ATP8A2: variants seen among roughly 807,000 people sequenced by gnomAD.
ATP8A2 encodes the protein phospholipid-transporting ATPase IB.
ATP8A2 carries 100 observed loss-of-function variants against 165.6 expected under a neutral mutation model. That is an observed-to-expected ratio of 0.60 (90% CI 0.51 to 0.71). The LOEUF (loss-of-function observed/expected upper bound fraction) is 0.71, where lower values mean the gene tolerates loss of function less well. Among genes scored for constraint, ATP8A2 ranks in the 30% least tolerant of loss-of-function variants. The pLI is 0.00. For synonymous variants in ATP8A2, 543 were observed against 548.8 expected, an observed-to-expected ratio of 0.99 and a Z score of 0.15; for missense variants, 1,227 against 1,479.5, an observed-to-expected ratio of 0.83 and a Z score of 2.80.
chr13:25,869,220 T>C (rs1277675468), intron 33 of ATP8A2, among the ~76,000 whole-genome samples: 1 of 152,140 alleles, frequency 6.6e-6, no homozygotes, highest in East Asian at 1.9e-4. Flanking sequence ...CAGACAACAG[T>C]TCTGTCAGAA....
chr13:25,714,523 T>C (rs1314742245), intron 25 of ATP8A2, among the ~76,000 whole-genome samples: 1 of 152,250 alleles, frequency 6.6e-6, no homozygotes, highest in Non-Finnish European at 1.5e-5. Context: ...CCCAACAGAA[T>C]GTTTGTTTCA....
intron 1 of ATP8A2, among the ~76,000 whole-genome samples, chr13:25,393,757 A>C (rs1218595429): frequency 3.9e-5 from 6 of 152,160 alleles, no homozygotes; most frequent in Non-Finnish European, 7.3e-5. Flanking sequence ...AACTTACAGC[A>C]TCTTAGGAAT....
intron 30 of ATP8A2, among the ~76,000 whole-genome samples, chr13:25,839,924 T>C (rs1951715492): frequency 6.6e-6 from 1 of 152,212 alleles, no homozygotes. Context: ...AGCCCTGTAC[T>C]GTAATGAAAT....
chr13:25,739,489 A>G (rs1010271654), intron 25 of ATP8A2, among the ~76,000 whole-genome samples: 4 of 152,328 alleles, frequency 2.6e-5, no homozygotes, highest in African/African-American at 9.6e-5. Context: ...TATAACGTAG[A>G]GGGAGGTTTT....
At chr13:25,540,179 CTCCTACTAT>C in intron 7 of ATP8A2, 131 bp from the exon 8 acceptor site, 1 of 654,148 alleles carries the variant, frequency 1.5e-6, no homozygotes, top group African/African-American at 1.8e-5. Context: ...TCATCCATTA[CTCCTACTAT>C]CGTGGTTATT....
intron 29 of ATP8A2, 43 bp from the exon 30 acceptor site, chr13:25,839,503 C>T (rs371608421): frequency 1.4e-5 from 20 of 1,429,502 alleles, no homozygotes; most frequent in South Asian, 1.1e-4. Context: ...AGAGGTCAAG[C>T]GTTTTGGGCA....
rs370921173 is a variant in ATP8A2 at position 25,924,649 on chromosome 13, G to GGA, written c.3184-36926_3184-36925insGA. On this transcript the variant is annotated intron_variant, in intron 33 of 36. Transcript: ENST00000381655. ...AGGGCTTCAACATTTGATTGGGGGG[G>GGA]AATACTTAATGTATAATGATATTTT... Among the ~76,000 whole-genome samples the GGA allele has an allele frequency of 3.3e-5, 5 of 151,514 alleles. No homozygotes were observed. In the East Asian group the frequency reaches 9.7e-4, roughly 29 times the overall value.
chr13:25,962,725 A>G (rs1049350565), intron 34 of ATP8A2, among the ~76,000 whole-genome samples: 1 of 152,194 alleles, frequency 6.6e-6, no homozygotes. Context: ...CAAACCTTCC[A>G]GGGAAAGACA....
At chr13:25,687,113 C>T (rs1464031372) in intron 24 of ATP8A2, among the ~76,000 whole-genome samples, 2 of 152,162 alleles carry the variant, frequency 1.3e-5, no homozygotes, top group African/African-American at 4.8e-5. Context: ...GAGGAGAGCA[C>T]ATGGCCCACA....
intron 1 of ATP8A2, among the ~76,000 whole-genome samples, chr13:25,384,511 C>G (rs1385530849): frequency 6.6e-6 from 1 of 152,122 alleles, no homozygotes; most frequent in African/African-American, 2.4e-5. Flanking sequence ...CTCTTTGTGC[C>G]CCATTTTTGA....
At chr13:25,374,658 G>T (rs1392348421) in intron 1 of ATP8A2, among the ~76,000 whole-genome samples, 2 of 152,152 alleles carry the variant, frequency 1.3e-5, no homozygotes, top group Admixed American at 1.3e-4. Flanking sequence ...GGTTGTGAGG[G>T]ATCTTGCTGA....
At chr13:25,930,183 C>T (rs1329937073) in intron 33 of ATP8A2, among the ~76,000 whole-genome samples, 1 of 152,134 alleles carries the variant, frequency 6.6e-6, no homozygotes, top group African/African-American at 2.4e-5. Context: ...GACACTCTCC[C>T]CTCACTTCTG....
intron 25 of ATP8A2, among the ~76,000 whole-genome samples, chr13:25,736,988 C>T (rs188169833): frequency 6.6e-6 from 1 of 152,252 alleles, no homozygotes; most frequent in Admixed American, 6.5e-5. Flanking sequence ...TCAACTGTCA[C>T]AGACATAACC....
At chr13:25,816,436 C>T (rs184272120) in intron 27 of ATP8A2, among the ~76,000 whole-genome samples, 12 of 152,306 alleles carry the variant, frequency 7.9e-5, no homozygotes, top group African/African-American at 1.2e-4. Context: ...CCCTTCTCCC[C>T]GCACCCAGTT....
At chr13:25,695,701 A>G (rs2042820238) in intron 24 of ATP8A2, among the ~76,000 whole-genome samples, 1 of 152,202 alleles carries the variant, frequency 6.6e-6, no homozygotes, top group Non-Finnish European at 1.5e-5. Context: ...AAGTTTGATC[A>G]TGAGATTGCA....
At chr13:25,538,727 G>T (rs1404387123) in intron 7 of ATP8A2, among the ~76,000 whole-genome samples, 7 of 152,136 alleles carry the variant, frequency 4.6e-5, no homozygotes, top group African/African-American at 1.7e-4. Flanking sequence ...ATTGTGTGAC[G>T]TTAGGACTAT....
chr13:25,826,740 A>G (rs1951326650), intron 27 of ATP8A2, among the ~76,000 whole-genome samples: 1 of 152,212 alleles, frequency 6.6e-6, no homozygotes. Flanking sequence ...TCAGACTCTC[A>G]TATCTCATAT....
chr13:25,458,459 C>A (rs578029507), intron 1 of ATP8A2, among the ~76,000 whole-genome samples: 1 of 152,322 alleles, frequency 6.6e-6, no homozygotes, highest in African/African-American at 2.4e-5. Flanking sequence ...AAGCAATCCT[C>A]CCGCCTCAGC....
chr13:25,800,859 C>G (rs1376745131), intron 27 of ATP8A2, among the ~76,000 whole-genome samples: 2 of 152,122 alleles, frequency 1.3e-5, no homozygotes, highest in Non-Finnish European at 2.9e-5. Flanking sequence ...CCAAAAAGGG[C>G]TTATGATCCT....
Sources: gnomAD v4.1 joint callset for allele counts (sites outside exome capture counted in the v4.1 genomes callset) on GRCh38, gnomAD v4.1.1 for gene constraint, MANE v1.5 for transcripts, NCBI Gene and HGNC (gene_info 2026-07-23, HGNC 2026-07-21) for gene names.